MANBA: variants seen among roughly 807,000 people sequenced by gnomAD.
The protein encoded by MANBA is beta-mannosidase.
In MANBA, 83 loss-of-function variants were observed where a neutral mutation model predicts 111.1. The observed-to-expected ratio is 0.75, with a 90% CI of 0.63 to 0.90. The LOEUF (loss-of-function observed/expected upper bound fraction) is 0.90, where lower values mean the gene tolerates loss of function less well. MANBA is among the 40% of genes least tolerant of loss of function. MANBA has a pLI of 0.00. For synonymous variants in MANBA, 370 were observed against 378.7 expected (o/e 0.98, Z 0.27); for missense variants, 1,036 against 1,069.0 (o/e 0.97, Z 0.43).
intron 12 of MANBA, among the ~76,000 whole-genome samples, chr4:102,655,360 G>T (rs1730517500): frequency 6.6e-6 from 1 of 151,868 alleles, no homozygotes; most frequent in African/African-American, 2.4e-5. Context: ...ATAGTAAAAA[G>T]AAATCTTGAA....
chr4:102,656,854 T>C (rs1730577997), intron 12 of MANBA, among the ~76,000 whole-genome samples: 1 of 151,992 alleles, frequency 6.6e-6, no homozygotes, highest in Admixed American at 6.5e-5. Context: ...TCCAATTATA[T>C]GAAATATGAA....
In MANBA at chr4:102,722,915, G is replaced by C. The variant is rs766624305; in HGVS notation, c.505C>G (p.Pro169Ala). 1.2e-6 allele frequency: 2 copies of C among 1,614,180 alleles called. No homozygotes were observed. The highest frequency in any genetic ancestry group is 1.7e-6 in the Non-Finnish European group (2 of 1,180,014). ...TGGCATTCACCCTTCTGCACAAGTG[G>C]AGGGCAGTCTGGGGGAACCTGGTAG... ...TRYQVPPDCP[P>A]LVQKGECHVN... The change falls in exon 4 of 17, where the codon CCA (proline) becomes GCA (alanine). Residue 169 changes from proline to alanine, a missense_variant. Coordinates refer to ENST00000647097, the MANE Select transcript of MANBA (RefSeq NM_005908.4).
chr4:102,744,408 T>A (rs539669610), intron 1 of MANBA, among the ~76,000 whole-genome samples: 1 of 152,302 alleles, frequency 6.6e-6, no homozygotes, highest in Admixed American at 6.5e-5. Flanking sequence ...TGATACCTTG[T>A]GGAAGCGAAA....
chr4:102,720,217 C>G (rs977733798), intron 4 of MANBA, among the ~76,000 whole-genome samples: 7 of 151,998 alleles, frequency 4.6e-5, no homozygotes, highest in African/African-American at 1.7e-4. Context: ...GGTGGATCAC[C>G]TGAGGTCAGG....
chr4:102,701,727 C>A (rs1296129780), intron 5 of MANBA, among the ~76,000 whole-genome samples: 1 of 152,040 alleles, frequency 6.6e-6, no homozygotes, highest in Non-Finnish European at 1.5e-5. Context: ...GCTGAGAGAT[C>A]CGCTGTTAGT....
At chr4:102,633,377 G>A in intron 16 of MANBA, 1 of 398,686 alleles carries the variant, frequency 2.5e-6, no homozygotes, top group Non-Finnish European at 4.4e-6. Context: ...AAGGCCGAAA[G>A]AGATGCTGGT....
rs77332324 is a variant in MANBA at position 102,647,863 on chromosome 4, T to G, written c.1869+2674A>C. On this transcript the variant is annotated intron_variant, in intron 13 of 16. Coordinates refer to ENST00000647097, the MANE Select transcript of MANBA (RefSeq NM_005908.4). Reference sequence around the variant, plus strand: ...TTAGTTTCTATCATGGGGTTTGTGTTTTCATACAGGAGAAAACTGATGAAG... The same window carrying G: ...TTAGTTTCTATCATGGGGTTTGTGTGTTCATACAGGAGAAAACTGATGAAG... Among the ~76,000 whole-genome samples the G allele has an allele frequency of 9.6e-3, 1,465 of 152,278 alleles. 7 individuals carry two copies. The highest frequency in any genetic ancestry group is 0.017 in the Middle Eastern group (5 of 294).
intron 5 of MANBA, among the ~76,000 whole-genome samples, chr4:102,701,521 T>G (rs1029119530): frequency 6.6e-6 from 1 of 152,132 alleles, no homozygotes; most frequent in African/African-American, 2.4e-5. Flanking sequence ...CCATGTTGAG[T>G]GCTTCCTTCA....
chr4:102,748,399 T>C (rs1723662557), intron 1 of MANBA, among the ~76,000 whole-genome samples: 1 of 152,136 alleles, frequency 6.6e-6, no homozygotes, highest in Non-Finnish European at 1.5e-5. Context: ...GTCTAAGATA[T>C]ATTAAGTTAA....
At chr4:102,690,451 TGA>T in intron 6 of MANBA, 143 bp downstream of exon 6, 1 of 704,606 alleles carries the variant, frequency 1.4e-6, no homozygotes, top group South Asian at 1.8e-5. Context: ...AGAAAATATA[TGA>T]GAGACTAAAA....
At chr4:102,645,666 T>A (rs1240127159) in intron 13 of MANBA, among the ~76,000 whole-genome samples, 1 of 152,154 alleles carries the variant, frequency 6.6e-6, no homozygotes, top group Non-Finnish European at 1.5e-5. Flanking sequence ...TGTTGCCATA[T>A]AATTGTGTAT....
intron 7 of MANBA, among the ~76,000 whole-genome samples, chr4:102,688,318 A>AC (rs1732310836): frequency 8.5e-6 from 1 of 118,224 alleles, no homozygotes; most frequent in African/African-American, 3.3e-5. Context: ...CACACACACA[A>AC]ACACACATAC....
intron 7 of MANBA, among the ~76,000 whole-genome samples, chr4:102,687,484 T>C (rs1439507807): frequency 6.6e-6 from 1 of 152,200 alleles, no homozygotes; most frequent in African/African-American, 2.4e-5. Flanking sequence ...CCATCTCTTG[T>C]TCTTCAACTT....
intron 1 of MANBA, among the ~76,000 whole-genome samples, chr4:102,731,248 G>C (rs1723024708): frequency 6.6e-6 from 1 of 152,044 alleles, no homozygotes; most frequent in African/African-American, 2.4e-5. Context: ...AGTATCAGCA[G>C]AGAATGAAAG....
chr4:102,740,035 T>C (rs542837838), intron 1 of MANBA, among the ~76,000 whole-genome samples: 2 of 152,244 alleles, frequency 1.3e-5, no homozygotes, highest in East Asian at 1.9e-4. Flanking sequence ...ATCATATACA[T>C]AGGAAACCCT....
intron 1 of MANBA, among the ~76,000 whole-genome samples, chr4:102,741,847 C>A (rs1307373497): frequency 6.6e-6 from 1 of 152,104 alleles, no homozygotes; most frequent in Non-Finnish European, 1.5e-5. Flanking sequence ...ATGGGTGCAA[C>A]AAAATCTCAG....
intron 5 of MANBA, among the ~76,000 whole-genome samples, chr4:102,709,409 AAG>A (rs1370672223): frequency 7.1e-6 from 1 of 140,232 alleles, no homozygotes; most frequent in East Asian, 2.0e-4. Context: ...AAAAAAAAGA[AAG>A]AAAGAAAGAG....
Position 102,650,691 on chromosome 4 carries a change from G to A in MANBA, c.1715C>T (p.Thr572Ile). The A allele has an allele frequency of 6.2e-7, 1 of 1,612,070 alleles. No individual in the cohort carries two copies. The highest frequency in any genetic ancestry group is 1.1e-5 in the South Asian group (1 of 91,048). Residue 572 changes from threonine to isoleucine, a missense_variant, in exon 13 of 17, where the codon ACA becomes ATA. Thr to Ile is a moderately conservative substitution (Grantham distance 89, BLOSUM62 -1). Coordinates refer to ENST00000647097, the MANE Select transcript of MANBA (RefSeq NM_005908.4). ...CTTGCTATTGAAAGACCAGTCCTCT[G>A]TAGACGAGACCTTTCAAATAAAGAA... ...SFSTLEKVSS[T>I]EDWSFNSKFS...
chr4:102,695,737 C>G (rs564272642), intron 5 of MANBA, among the ~76,000 whole-genome samples: 1 of 152,188 alleles, frequency 6.6e-6, no homozygotes, highest in African/African-American at 2.4e-5. Context: ...GCAGCGATGC[C>G]TACCAAAAGG....
Sources: allele counts gnomAD v4.1 joint callset (sites outside exome capture counted in the v4.1 genomes callset), GRCh38; gene constraint gnomAD v4.1.1; transcripts MANE v1.5; gene names NCBI Gene and HGNC (gene_info 2026-07-23, HGNC 2026-07-21).